The following RYR3 variants were observed in gnomAD, a reference collection of about 807,000 sequenced individuals.
The protein encoded by RYR3 is ryanodine receptor 3, also known as brain ryanodine receptor-calcium release channel.
RYR3 carries 207 observed loss-of-function variants against 584.3 expected under a neutral mutation model. That is an observed-to-expected ratio of 0.35 (90% CI 0.32 to 0.40). The LOEUF (loss-of-function observed/expected upper bound fraction) is 0.40, where lower values mean the gene tolerates loss of function less well. Ranked by LOEUF, RYR3 falls within the 10% of genes least tolerant of loss-of-function variation. The probability of loss-of-function intolerance (pLI) is 1.00; values close to 1 mark genes in which losing one functional copy is unlikely to be tolerated. For missense variants in RYR3, 5,616 were observed against 6,089.2 expected, an observed-to-expected ratio of 0.92 and a Z score of 2.59; for synonymous variants, 2,416 against 2,248.5, an observed-to-expected ratio of 1.07 and a Z score of -2.11.
chr15:33,314,680 C>T (rs1040130426), intron 1 of RYR3, among the ~76,000 whole-genome samples: 10 of 152,042 alleles, frequency 6.6e-5, no homozygotes, highest in Non-Finnish European at 1.3e-4. Flanking sequence ...TTTGGGAGGC[C>T]GAGGCGGGTG....
At chr15:33,404,630 T>A in intron 1 of RYR3, among the ~76,000 whole-genome samples, 1 of 151,514 alleles carries the variant, frequency 6.6e-6, no homozygotes. Context: ...AACACTAGGC[T>A]TCAGTCACTT....
rs183834473 is a variant in RYR3, at chr15:33,732,721, G to T, written c.7424+1027G>T. Among the ~76,000 whole-genome samples the T allele has an allele frequency of 6.6e-5, 10 of 152,292 alleles. No homozygotes were observed. In the East Asian group the frequency reaches 1.9e-3, roughly 29 times the overall value. The stretch of plus-strand genomic sequence containing the variant: ...TGAGTTACGAAATAAATATCCCAGT[G>T]CCCAGGCCACATCCGAGCCCAAAAA... On this transcript the variant is annotated intron_variant, in intron 48 of 103. Transcript: ENST00000634891.
At chr15:33,757,637 A>C in intron 60 of RYR3, 41 bp downstream of exon 60, 1 of 1,591,174 alleles carries the variant, frequency 6.3e-7, no homozygotes. Flanking sequence ...GTGCTGATGC[A>C]ATTTACTTAA....
intron 36 of RYR3, among the ~76,000 whole-genome samples, chr15:33,668,513 AATAC>A (rs1178315957): frequency 6.6e-6 from 1 of 152,220 alleles, no homozygotes; most frequent in African/African-American, 2.4e-5. Context: ...AAATTTATGA[AATAC>A]AAAATAAAAT....
rs1463643051 is a variant in RYR3 at position 33,508,610 on chromosome 15, A to G, written c.279+4872A>G. ...GCTTGCAGTGAGCTGAGATTGCACC[A>G]CTGCACTCCAGACTGGGCGACAGAG... On this transcript the variant is annotated intron_variant, in intron 3 of 103. Transcript: ENST00000634891. Among the ~76,000 whole-genome samples the G allele has an allele frequency of 3.3e-5, 5 of 152,176 alleles. No homozygotes were observed. In the East Asian group the frequency reaches 9.6e-4, roughly 29 times the overall value.
chr15:33,437,112 GAT>G (rs1177268598), intron 1 of RYR3, among the ~76,000 whole-genome samples: 1 of 132,166 alleles, frequency 7.6e-6, no homozygotes, highest in Non-Finnish European at 1.6e-5. Context: ...GAGAGAGAGA[GAT>G]AGAGTGTGTG....
intron 17 of RYR3, among the ~76,000 whole-genome samples, chr15:33,602,683 A>G (rs2059721025): frequency 6.7e-6 from 1 of 149,976 alleles, no homozygotes; most frequent in African/African-American, 2.5e-5. Context: ...GTCCTCTTGC[A>G]TCACACTAAG....
chr15:33,848,826 CTT>C (rs769204969), intron 94 of RYR3, among the ~76,000 whole-genome samples: 23 of 75,244 alleles, frequency 3.1e-4, no homozygotes, highest in East Asian at 8.6e-4. Context: ...CTGAAGTCCT[CTT>C]TTTTTTTTTT....
In RYR3 at chr15:33,817,521, C is replaced by G. The variant is rs186773701; in HGVS notation, c.10599+563C>G. 2.3e-3 allele frequency among the ~76,000 whole-genome samples: 346 copies of G among 152,294 alleles called. 6 individuals carry two copies. The highest frequency in any genetic ancestry group is 0.02 in the Admixed American group (312 of 15,304). ...ATAAACCCTCCTTCTCTTTGGCCAG[C>G]CCTGTGGTTCTTTTTCTCCTTCTCC... On this transcript the variant is annotated intron_variant, in intron 75 of 103. Coordinates refer to ENST00000634891, the MANE Select transcript of RYR3 (RefSeq NM_001036.6).
chr15:33,584,775 C>T (rs2058761005), intron 15 of RYR3, among the ~76,000 whole-genome samples: 1 of 151,118 alleles, frequency 6.6e-6, no homozygotes, highest in Non-Finnish European at 1.5e-5. Flanking sequence ...TTAATCACCC[C>T]CCACCCCCAC....
chr15:33,344,517 C>T (rs1458853409), intron 1 of RYR3, among the ~76,000 whole-genome samples: 1 of 151,884 alleles, frequency 6.6e-6, no homozygotes, highest in Non-Finnish European at 1.5e-5. Flanking sequence ...TTCCAGAAGA[C>T]ATTTTGGAAT....
chr15:33,586,095 T>C lies in RYR3; in HGVS notation c.1767T>C (p.Asp589=). 1 of 1,610,496 alleles carries C rather than the reference T, an allele frequency of 6.2e-7. No homozygotes were observed. The highest frequency in any genetic ancestry group is 8.5e-7 in the Non-Finnish European group (1 of 1,176,696). Residue 589 remains aspartate, a synonymous_variant, in exon 16 of 104, where the codon GAT becomes GAC. Coordinates refer to ENST00000634891, the MANE Select transcript of RYR3 (RefSeq NM_001036.6). ...TCAAGTCGATCATCTCCCTGTTGGA[T>C]AAGCACGGGCGGAATCACAAGGTAG... ...GHIKSIISLL[D]KHGRNHKVLD...
At chr15:33,735,569 A>C (rs2069379340) in intron 48 of RYR3, among the ~76,000 whole-genome samples, 1 of 152,202 alleles carries the variant, frequency 6.6e-6, no homozygotes. Flanking sequence ...AGGTTCCACT[A>C]GGTTTTTTTT....
chr15:33,834,581 C>T (rs888954505), intron 86 of RYR3, among the ~76,000 whole-genome samples: 1 of 151,816 alleles, frequency 6.6e-6, no homozygotes, highest in Non-Finnish European at 1.5e-5. Flanking sequence ...CACTGTGCTT[C>T]GCAGCACCCT....
chr15:33,318,285 G>C (rs1196601564), intron 1 of RYR3, among the ~76,000 whole-genome samples: 1 of 152,232 alleles, frequency 6.6e-6, no homozygotes, highest in African/African-American at 2.4e-5. Context: ...TAAAAGTGTA[G>C]AGATGAAAGT....
chr15:33,854,963 A>G, intron 98 of RYR3, 51 bp downstream of exon 98: 1 of 1,520,210 alleles, frequency 6.6e-7, no homozygotes, highest in Non-Finnish European at 8.8e-7. Flanking sequence ...TGCACAGGAA[A>G]AAAAGAACAG....
chr15:33,754,988 A>G (rs2152857218), intron 57 of RYR3, 77 bp from the exon 58 acceptor site: 1 of 748,498 alleles, frequency 1.3e-6, no homozygotes, highest in East Asian at 2.6e-5. Flanking sequence ...TAAATTCAAC[A>G]CTGGTAGGAC....
intron 42 of RYR3, among the ~76,000 whole-genome samples, chr15:33,706,413 G>A (rs1044992438): frequency 6.6e-6 from 1 of 151,992 alleles, no homozygotes; most frequent in African/African-American, 2.4e-5. Flanking sequence ...CCAAGTCCCT[G>A]GCAACCACCA....
Position 33,687,502 on chromosome 15 carries a change from A to G in RYR3, c.5861-8716A>G, listed in dbSNP as rs182288641. Among the ~76,000 whole-genome samples, 308 of 152,356 alleles carry G rather than the reference A, an allele frequency of 2.0e-3. 1 individual carries two copies. The highest frequency in any genetic ancestry group is 7.2e-3 in the African/African-American group (300 of 41,578). On this transcript the variant is annotated intron_variant, in intron 38 of 103. Coordinates refer to ENST00000634891, the MANE Select transcript of RYR3 (RefSeq NM_001036.6). ...GGCCATACTGCCCAAGGTAATTTGTAGATTCGATGCCATCCCCATCAAGCT... is the reference window on the plus strand; with the variant it reads ...GGCCATACTGCCCAAGGTAATTTGTGGATTCGATGCCATCCCCATCAAGCT...
Sources: gnomAD v4.1 joint callset for allele counts (sites outside exome capture counted in the v4.1 genomes callset) on GRCh38, gnomAD v4.1.1 for gene constraint, MANE v1.5 for transcripts, NCBI Gene and HGNC (gene_info 2026-07-23, HGNC 2026-07-21) for gene names.